Variants in PRKAR1B observed in about 807,000 individuals in gnomAD.
PRKAR1B encodes protein kinase cAMP-dependent type I regulatory subunit beta.
In PRKAR1B, 22 loss-of-function variants were observed where a neutral mutation model predicts 46.5. The observed-to-expected ratio is 0.47, with a 90% CI of 0.34 to 0.68. The LOEUF (loss-of-function observed/expected upper bound fraction) is 0.68. Among genes scored for constraint, PRKAR1B ranks in the 30% least tolerant of loss-of-function variants. The pLI, the probability that PRKAR1B is intolerant of heterozygous loss-of-function variation, is 0.01. For synonymous variants in PRKAR1B, 259 were observed against 217.7 expected, an observed-to-expected ratio of 1.19 and a Z score of -1.67; for missense variants, 445 against 535.6, an observed-to-expected ratio of 0.83 and a Z score of 1.67.
chr7:567,842 G>C (rs572149272), intron 9 of PRKAR1B, among the ~76,000 whole-genome samples: 1 of 150,362 alleles, frequency 6.7e-6, no homozygotes, highest in East Asian at 1.9e-4. Flanking sequence ...GAGACAGAAA[G>C]GAGAAGGGTG....
rs537568370 is a variant in PRKAR1B, at chr7:610,405, A to G, written c.441-2953T>C. ...CCCCTCCTGGAGTGCCTCTTAAATG[A>G]GCCTCACTGGGTTGCTCCGTTGGCC... On this transcript the variant is annotated intron_variant, in intron 4 of 10. Coordinates refer to ENST00000537384, the MANE Select transcript of PRKAR1B (RefSeq NM_001164760.2). Among the ~76,000 whole-genome samples the G allele has an allele frequency of 4.4e-3, 677 of 152,208 alleles. 2 individuals are homozygous for G. Among genetic ancestry groups the G allele is most frequent in the Middle Eastern group, 0.017 (5 of 294 alleles).
At chr7:577,936 C>T (rs980511692) in intron 9 of PRKAR1B, among the ~76,000 whole-genome samples, 3 of 152,242 alleles carry the variant, frequency 2.0e-5, no homozygotes, top group African/African-American at 7.2e-5. Context: ...CATTTATACC[C>T]ACTTTAAATT....
At chr7:588,679 CGAT>C (rs200445979) in intron 7 of PRKAR1B, among the ~76,000 whole-genome samples, 3,204 of 21,794 alleles carry the variant, frequency 0.15, 20 homozygotes, top group East Asian at 0.24. Flanking sequence ...GTGGTGATGA[CGAT>C]GATGGTGATG....
chr7:631,907 T>C lies in PRKAR1B; in HGVS notation c.441-24455A>G, dbSNP rs541190569. Among the ~76,000 whole-genome samples, 133 of 151,734 alleles carry C rather than the reference T, an allele frequency of 8.8e-4. 1 individual carries two copies. Among genetic ancestry groups the C allele is most frequent in the Non-Finnish European group, 1.5e-3 (105 of 67,930 alleles). ...AGGAGATTGAGGCTGCATAGAGCTG[T>C]GATGGCACCACTGCCCTCCAGCCTG... On this transcript the variant is annotated intron_variant, in intron 4 of 10. Transcript: ENST00000537384.
At chr7:608,179 T>G (rs1377542720) in intron 4 of PRKAR1B, 2 of 152,362 alleles carry the variant, frequency 1.3e-5, no homozygotes, top group African/African-American at 4.8e-5. Context: ...CGTCACACTC[T>G]TATTAACAGA....
chr7:715,628 T>C (rs1226207652), intron 1 of PRKAR1B, among the ~76,000 whole-genome samples: 1 of 152,166 alleles, frequency 6.6e-6, no homozygotes, highest in Non-Finnish European at 1.5e-5. Context: ...GGGGTCTTAC[T>C]TCACCCATAG....
intron 9 of PRKAR1B, among the ~76,000 whole-genome samples, chr7:571,707 G>A (rs1447089192): frequency 6.6e-6 from 1 of 152,146 alleles, no homozygotes; most frequent in Non-Finnish European, 1.5e-5. Context: ...CTCCGGGAGG[G>A]GAACTCCAGG....
At chr7:592,028 G>A (rs896791266) in intron 7 of PRKAR1B, among the ~76,000 whole-genome samples, 5 of 152,330 alleles carry the variant, frequency 3.3e-5, no homozygotes, top group East Asian at 1.9e-4. Context: ...CCAGGCAGGC[G>A]GAGCAGGGGT....
chr7:681,869 G>A (rs865818253), intron 2 of PRKAR1B, among the ~76,000 whole-genome samples: 2 of 152,188 alleles, frequency 1.3e-5, no homozygotes, highest in African/African-American at 4.8e-5. Context: ...GCACCTGGAG[G>A]ACCTGAGTTT....
intron 2 of PRKAR1B, among the ~76,000 whole-genome samples, chr7:699,177 G>A (rs527852664): frequency 5.9e-5 from 9 of 152,348 alleles, no homozygotes; most frequent in Admixed American, 3.3e-4. Context: ...CTGGGTTTGC[G>A]CCCAGCTCCA....
chr7:584,986 G>A (rs145147914), intron 7 of PRKAR1B, among the ~76,000 whole-genome samples: 2,647 of 152,206 alleles, frequency 0.017, 80 homozygotes, highest in African/African-American at 0.059. Context: ...AAGGGAGAGT[G>A]CGGCTGACGT....
intron 5 of PRKAR1B, among the ~76,000 whole-genome samples, chr7:606,548 C>G (rs879600947): frequency 3.9e-5 from 6 of 152,096 alleles, no homozygotes; most frequent in African/African-American, 1.4e-4. Flanking sequence ...CAGGTTCAAG[C>G]GATTCTCCTG....
Position 666,881 on chromosome 7 carries a change from C to A in PRKAR1B, c.440+10348G>T, listed in dbSNP as rs1785958649. 6.6e-6 allele frequency among the ~76,000 whole-genome samples: 1 copy of A among 152,236 alleles called. No homozygotes were observed. Among genetic ancestry groups the A allele is most frequent in the Non-Finnish European group, 1.5e-5 (1 of 68,050 alleles). On this transcript the variant is annotated intron_variant, in intron 4 of 10. Coordinates refer to ENST00000537384, the MANE Select transcript of PRKAR1B (RefSeq NM_001164760.2). This position sits in a 1 kb window ranked among gnomAD's most constrained non-coding sequence, Gnocchi z 4.9. ...AGGCACCATCCAGAAGAAGTACCTT[C>A]ATGGACTCCACTGCCACACAGCCAA...
chr7:623,316 T>C (rs147022699), intron 4 of PRKAR1B, among the ~76,000 whole-genome samples: 61 of 152,344 alleles, frequency 4.0e-4, no homozygotes, highest in African/African-American at 1.4e-3. Flanking sequence ...TGACTGTGGG[T>C]CTGGTTCCTA....
chr7:557,062 C>T (rs962980016), intron 9 of PRKAR1B, among the ~76,000 whole-genome samples: 10 of 152,242 alleles, frequency 6.6e-5, no homozygotes, highest in African/African-American at 2.2e-4. Context: ...CGGCCTGGGC[C>T]GGGCAGCTTC....
At chr7:628,832 AGGCTCAAGGAC>A (rs879440266) in intron 4 of PRKAR1B, among the ~76,000 whole-genome samples, 87,900 of 148,724 alleles carry the variant, frequency 0.59, 26,488 homozygotes, top group South Asian at 0.82. Flanking sequence ...CCCCCAAGTC[AGGCTCAAGGAC>A]CCCCCAAGTC....
chr7:583,517 A>C (rs568479617), intron 8 of PRKAR1B, among the ~76,000 whole-genome samples: 1 of 137,266 alleles, frequency 7.3e-6, no homozygotes, highest in African/African-American at 2.8e-5. Context: ...ACACCCACAC[A>C]CGCGTGCACA....
chr7:582,882 C>A (rs1583243589), intron 8 of PRKAR1B, among the ~76,000 whole-genome samples: 1 of 152,230 alleles, frequency 6.6e-6, no homozygotes, highest in Non-Finnish European at 1.5e-5. Flanking sequence ...GTCCCCCTCT[C>A]GGCCCCTATA....
chr7:705,767 C>T (rs1319231443), intron 2 of PRKAR1B, among the ~76,000 whole-genome samples: 2 of 152,220 alleles, frequency 1.3e-5, no homozygotes, highest in African/African-American at 2.4e-5. Flanking sequence ...TGGCTCACGT[C>T]TCTAATCCCA....
Sources: allele counts gnomAD v4.1 joint callset (sites outside exome capture counted in the v4.1 genomes callset), GRCh38; gene constraint gnomAD v4.1.1; non-coding constraint Gnocchi (gnomAD v3.1); transcripts MANE v1.5; gene names NCBI Gene and HGNC (gene_info 2026-07-23, HGNC 2026-07-21).